The following PRXL2A variants were observed in gnomAD, a reference collection of about 807,000 sequenced individuals.
PRXL2A encodes peroxiredoxin-like 2A.
PRXL2A carries 26 observed loss-of-function variants against 25.6 expected under a neutral mutation model. The observed-to-expected ratio is 1.02, with a 90% CI of 0.74 to 1.41. The LOEUF is 1.41. PRXL2A is among the 40% of genes most tolerant of loss of function. PRXL2A has a pLI of 0.00. For missense variants in PRXL2A, 246 were observed against 273.9 expected (o/e 0.90, Z 0.72); for synonymous variants, 98 against 102.9 (o/e 0.95, Z 0.29).
At position 80,433,757 on chromosome 10, in the gene PRXL2A, A is replaced by C. The variant is rs1230832973; in HGVS notation, c.*1658A>C. 1.3e-5 allele frequency: 2 copies of C among 152,232 alleles called. No individual in the cohort carries two copies. Among genetic ancestry groups the C allele is most frequent in the African/African-American group, 4.8e-5 (2 of 41,438 alleles). The allele number at this position is 152,232 out of a possible 1,614,324, so 9.4% of individuals were successfully genotyped here. On this transcript the variant is annotated 3_prime_UTR_variant, in exon 6 of 6. Transcript: ENST00000606162. ...ACCTGTCATCCTTGGGACTCCAGCTACTGATAGGATAACTCAGTACCTAAA... is the reference window on the plus strand; with the variant it reads ...ACCTGTCATCCTTGGGACTCCAGCTCCTGATAGGATAACTCAGTACCTAAA...
At chr10:80,410,494 C>T (rs1844443800) in intron 1 of PRXL2A, among the ~76,000 whole-genome samples, 1 of 152,180 alleles carries the variant, frequency 6.6e-6, no homozygotes, top group Non-Finnish European at 1.5e-5. Flanking sequence ...CTATTTTGTG[C>T]CTGTCCTGCT....
intron 1 of PRXL2A, chr10:80,409,049 C>G: frequency 1.0e-6 from 1 of 985,418 alleles, no homozygotes; most frequent in Non-Finnish European, 1.2e-6. Context: ...CCGGGGGCCG[C>G]CCTGCTGGAC....
chr10:80,426,695 C>T (rs1350269680), intron 4 of PRXL2A, among the ~76,000 whole-genome samples: 1 of 152,200 alleles, frequency 6.6e-6, no homozygotes, highest in Non-Finnish European at 1.5e-5. Context: ...CTGCTCCCAC[C>T]TCTGCAGAAG....
At position 80,434,774 on chromosome 10, in the gene PRXL2A, G is replaced by A. The variant is rs368571604; in HGVS notation, c.*2675G>A. On this transcript the variant is annotated 3_prime_UTR_variant, in exon 6 of 6. Coordinates refer to ENST00000606162, the MANE Select transcript of PRXL2A (RefSeq NM_032333.5). ...TAGCCTCCCACAGAGACCAGGAGTC[G>A]GCCTTATCATTCCTGATAATTATAT... is the stretch of plus-strand genomic sequence containing the variant. The A allele has an allele frequency of 2.0e-5, 3 of 151,986 alleles. No homozygotes were observed. Among genetic ancestry groups the A allele is most frequent in the East Asian group, 1.9e-4 (1 of 5,192 alleles). The allele number at this position is 151,986 out of a possible 1,614,324, so 9.4% of individuals were successfully genotyped here. A position where few individuals can be genotyped will look rare whatever the true frequency, so the allele number is the denominator to read the frequency against.
Position 80,416,904 on chromosome 10 carries a change from C to G in PRXL2A, c.-2-3562C>G, listed in dbSNP as rs148936873. Among the ~76,000 whole-genome samples, 996 of 151,084 alleles carry G rather than the reference C, an allele frequency of 6.6e-3. 2 individuals carry two copies. The highest frequency in any genetic ancestry group is 0.011 in the Non-Finnish European group (775 of 67,628). On this transcript the variant is annotated intron_variant, in intron 1 of 5. Transcript: ENST00000606162. ...TTTGAATAGTGGGTAGTAAGAAACT[C>G]TTCTTTCTCAGCACAGGTCCCTCAT...
At chr10:80,428,125 A>G (rs79388718) in intron 5 of PRXL2A, among the ~76,000 whole-genome samples, 2,376 of 152,248 alleles carry the variant, frequency 0.016, 58 homozygotes, top group African/African-American at 0.054. Context: ...CTGGCCTAGG[A>G]AAGGTATCTG....
intron 1 of PRXL2A, among the ~76,000 whole-genome samples, chr10:80,409,661 T>C (rs1387480889): frequency 6.6e-6 from 1 of 152,232 alleles, no homozygotes; most frequent in Non-Finnish European, 1.5e-5. Context: ...GGATTTCCAC[T>C]GCAGACCCCG....
intron 1 of PRXL2A, among the ~76,000 whole-genome samples, chr10:80,419,508 A>G (rs1461055667): frequency 1.4e-5 from 2 of 141,434 alleles, no homozygotes; most frequent in Admixed American, 1.5e-4. Flanking sequence ...AGGTTTCTTC[A>G]TGTTAGTCAG....
At chr10:80,422,319 G>A (rs918111769) in intron 2 of PRXL2A, 98 bp from the exon 3 acceptor site, 9 of 897,966 alleles carry the variant, frequency 1.0e-5, no homozygotes, top group Non-Finnish European at 1.6e-5. Context: ...ACTAGGCCGG[G>A]TCTCTGACCT....
At chr10:80,409,136 G>T in intron 1 of PRXL2A, 1 of 924,684 alleles carries the variant, frequency 1.1e-6, no homozygotes. Context: ...AAGAGGGCAC[G>T]GTTTCTAGCG....
chr10:80,409,356 G>A (rs1176376225), intron 1 of PRXL2A, among the ~76,000 whole-genome samples: 1 of 152,176 alleles, frequency 6.6e-6, no homozygotes, highest in Admixed American at 6.5e-5. Flanking sequence ...GGAAGTCAAG[G>A]CCCAGCCGGT....
At chr10:80,417,403 C>G (rs1030519949) in intron 1 of PRXL2A, among the ~76,000 whole-genome samples, 1 of 152,098 alleles carries the variant, frequency 6.6e-6, no homozygotes, top group South Asian at 2.1e-4. Flanking sequence ...CAACTCCTTG[C>G]GGAAGGGGGT....
intron 3 of PRXL2A, among the ~76,000 whole-genome samples, chr10:80,422,799 G>A (rs1844917116): frequency 6.6e-6 from 1 of 151,984 alleles, no homozygotes; most frequent in African/African-American, 2.4e-5. Context: ...TTTAATCAGG[G>A]GCAGTGACCA....
At position 80,412,378 on chromosome 10, in the gene PRXL2A, A is replaced by G. The variant is rs113883884; in HGVS notation, c.-3+3735A>G. ...TCATACTGAACTGAAATTGGAATTG[A>G]GTAGTTATAAGTTCCAAGTCTGCCT... is the stretch of plus-strand genomic sequence containing the variant. On this transcript the variant is annotated intron_variant, in intron 1 of 5. Coordinates refer to ENST00000606162, the MANE Select transcript of PRXL2A (RefSeq NM_032333.5). 7.7e-3 allele frequency among the ~76,000 whole-genome samples: 1,171 copies of G among 152,324 alleles called. 18 individuals are homozygous for G. Among genetic ancestry groups the G allele is most frequent in the African/African-American group, 0.027 (1,114 of 41,568 alleles).
intron 3 of PRXL2A, among the ~76,000 whole-genome samples, chr10:80,423,663 C>T (rs1323992584): frequency 6.6e-6 from 1 of 152,188 alleles, no homozygotes; most frequent in African/African-American, 2.4e-5. Context: ...CACCATAGCC[C>T]TTGGAAATAC....
chr10:80,428,315 G>A (rs1845123640), intron 5 of PRXL2A, among the ~76,000 whole-genome samples: 1 of 152,206 alleles, frequency 6.6e-6, no homozygotes, highest in African/African-American at 2.4e-5. Context: ...CCCTGCCCTG[G>A]AGGGCAGTGT....
chr10:80,432,399 G>A lies in PRXL2A; in HGVS notation c.*300G>A, dbSNP rs1845293887. ...CTCACACCTGTAATCCCAGCACTTT[G>A]GGAGGCCAAGGTGAGCAAGTCACTT... On this transcript the variant is annotated 3_prime_UTR_variant, in exon 6 of 6. Coordinates refer to ENST00000606162, the MANE Select transcript of PRXL2A (RefSeq NM_032333.5). 4.2e-6 allele frequency: 1 copy of A among 238,386 alleles called. No individual in the cohort carries two copies. 14.8% of individuals were successfully genotyped at this position (238,386 alleles called of 1,614,324 possible). A position where few individuals can be genotyped will look rare whatever the true frequency, so the allele number is the denominator to read the frequency against.
At chr10:80,409,239 A>G (rs1446463653) in intron 1 of PRXL2A, among the ~76,000 whole-genome samples, 1 of 152,198 alleles carries the variant, frequency 6.6e-6, no homozygotes, top group Non-Finnish European at 1.5e-5. Flanking sequence ...TGTAAACTTA[A>G]CAGCCCTGCT....
chr10:80,415,110 T>C (rs529300316), intron 1 of PRXL2A, among the ~76,000 whole-genome samples: 1 of 152,288 alleles, frequency 6.6e-6, no homozygotes, highest in South Asian at 2.1e-4. Flanking sequence ...GAATTTTCTG[T>C]GCTTCTCTCT....
Sources: gnomAD v4.1 joint callset for allele counts (sites outside exome capture counted in the v4.1 genomes callset) on GRCh38, gnomAD v4.1.1 for gene constraint, MANE v1.5 for transcripts, NCBI Gene and HGNC (gene_info 2026-07-23, HGNC 2026-07-21) for gene names.